IGFL2: variants seen among roughly 807,000 people sequenced by gnomAD.
IGFL2 encodes the protein insulin growth factor-like family member 2.
In IGFL2, 7 loss-of-function variants were observed where a neutral mutation model predicts 13.9. That is an observed-to-expected ratio of 0.51 (90% CI 0.29 to 0.95). The LOEUF (loss-of-function observed/expected upper bound fraction) is 0.95. Among genes scored for constraint, IGFL2 ranks in the 40% least tolerant of loss-of-function variants. The probability of loss-of-function intolerance (pLI) is 0.08; values close to 1 mark genes in which losing one functional copy is unlikely to be tolerated. For missense variants in IGFL2, 138 were observed against 147.8 expected, an observed-to-expected ratio of 0.93 and a Z score of 0.34; for synonymous variants, 55 against 55.8, an observed-to-expected ratio of 0.99 and a Z score of 0.07.
the IGFL2 span, among the ~76,000 whole-genome samples, chr19:46,108,830 T>C: frequency 6.6e-6 from 1 of 152,188 alleles, no homozygotes; most frequent in South Asian, 2.1e-4. Context: ...ATAAAACACG[T>C]CTCTTCTGTC....
the IGFL2 span, among the ~76,000 whole-genome samples, chr19:46,103,691 G>A: frequency 6.6e-6 from 1 of 152,188 alleles, no homozygotes; most frequent in South Asian, 2.1e-4. Flanking sequence ...GGGATGACAA[G>A]TTTTTGGGGT....
chr19:46,159,149 T>C (rs1032767451), intron 1 of IGFL2: 4 of 152,252 alleles, frequency 2.6e-5, no homozygotes, highest in Non-Finnish European at 4.4e-5. Flanking sequence ...TTTTGGAGTT[T>C]ATGGTGCCTG....
chr19:46,094,832 A>G, the IGFL2 span, among the ~76,000 whole-genome samples: 1 of 152,156 alleles, frequency 6.6e-6, no homozygotes, highest in South Asian at 2.1e-4. Context: ...TTCCAGCTTC[A>G]TCTATGTCCC....
chr19:46,201,695 A>G, the IGFL2 span, among the ~76,000 whole-genome samples: 1 of 152,170 alleles, frequency 6.6e-6, no homozygotes, highest in Non-Finnish European at 1.5e-5. Flanking sequence ...ATTGGTTGCC[A>G]GGGAGGGAGT....
At chr19:46,197,477 C>T in the IGFL2 span, among the ~76,000 whole-genome samples, 2 of 152,142 alleles carry the variant, frequency 1.3e-5, no homozygotes, top group Admixed American at 1.3e-4. Flanking sequence ...CTCAACATTG[C>T]TGGCCTCTCC....
intron 1 of IGFL2, among the ~76,000 whole-genome samples, chr19:46,156,444 A>C (rs983018618): frequency 2.0e-5 from 3 of 152,200 alleles, no homozygotes; most frequent in African/African-American, 7.2e-5. Context: ...TAAAGTATTG[A>C]AGTTTAACAG....
chr19:46,102,367 A>C, the IGFL2 span, among the ~76,000 whole-genome samples: 1 of 152,280 alleles, frequency 6.6e-6, no homozygotes, highest in Middle Eastern at 3.4e-3. Flanking sequence ...GTTAGGAGCA[A>C]TTTTGTTGCG....
the IGFL2 span, among the ~76,000 whole-genome samples, chr19:46,193,893 CCT>C: frequency 6.6e-6 from 1 of 152,184 alleles, no homozygotes; most frequent in African/African-American, 2.4e-5. Context: ...GTTGGCTCAG[CCT>C]CTCTGTTTCC....
upstream of IGFL2, among the ~76,000 whole-genome samples, chr19:46,144,042 C>G (rs1051731226): frequency 6.6e-6 from 1 of 152,212 alleles, no homozygotes; most frequent in Non-Finnish European, 1.5e-5. Flanking sequence ...CTTCCCTGAC[C>G]ACCTTCACTT....
At chr19:46,199,719 G>T in the IGFL2 span, among the ~76,000 whole-genome samples, 3 of 152,126 alleles carry the variant, frequency 2.0e-5, no homozygotes, top group African/African-American at 4.8e-5. Context: ...TCCCACCAGC[G>T]TCTAGGCCTC....
chr19:46,173,967 A>C, the IGFL2 span: 1 of 152,242 alleles, frequency 6.6e-6, no homozygotes, highest in African/African-American at 2.4e-5. Context: ...GTCTGGGCAA[A>C]GATGGAGCTG....
the IGFL2 span, among the ~76,000 whole-genome samples, chr19:46,194,447 A>T: frequency 6.6e-6 from 1 of 152,070 alleles, no homozygotes; most frequent in Non-Finnish European, 1.5e-5. Context: ...TTTAACTTTC[A>T]TCACTCATTG....
chr19:46,092,504 C>T, the IGFL2 span, among the ~76,000 whole-genome samples: 2 of 151,992 alleles, frequency 1.3e-5, no homozygotes, highest in South Asian at 4.2e-4. Context: ...TGGTGATGTG[C>T]GCTGGTAGTC....
the IGFL2 span, among the ~76,000 whole-genome samples, chr19:46,098,489 T>C: frequency 1.3e-5 from 2 of 150,144 alleles, no homozygotes; most frequent in Non-Finnish European, 3.0e-5. Flanking sequence ...TTTTTTTTTT[T>C]TTTTTTTTGA....
chr19:46,153,835 A>ATT (rs200732135), intron 1 of IGFL2, among the ~76,000 whole-genome samples: 59 of 144,814 alleles, frequency 4.1e-4, no homozygotes, highest in African/African-American at 1.5e-3. Flanking sequence ...ATATATATAT[A>ATT]TATATTTTTT....
the IGFL2 span, chr19:46,181,132 C>T: frequency 2.0e-5 from 3 of 152,234 alleles, no homozygotes; most frequent in South Asian, 4.1e-4. Flanking sequence ...AGAAATCAAA[C>T]ATGACTGACT....
intron 1 of IGFL2, among the ~76,000 whole-genome samples, chr19:46,149,904 A>T (rs1973381118): frequency 6.6e-6 from 1 of 152,218 alleles, no homozygotes; most frequent in African/African-American, 2.4e-5. Flanking sequence ...TAGGAGTGGA[A>T]TTGCTACGCC....
At chr19:46,140,255 A>C (rs1972801455), upstream of IGFL2, among the ~76,000 whole-genome samples, 1 of 151,710 alleles carries the variant, frequency 6.6e-6, no homozygotes, top group African/African-American at 2.4e-5. Context: ...CTATATATAT[A>C]TATATATATA....
chr19:46,137,975 T>C, the IGFL2 span, among the ~76,000 whole-genome samples: 1 of 152,244 alleles, frequency 6.6e-6, no homozygotes, highest in African/African-American at 2.4e-5. Context: ...TCTACTTAAA[T>C]CTTGACTATC....
Sources: allele counts gnomAD v4.1 joint callset (sites outside exome capture counted in the v4.1 genomes callset), GRCh38; gene constraint gnomAD v4.1.1; transcripts MANE v1.5; gene names NCBI Gene and HGNC (gene_info 2026-07-23, HGNC 2026-07-21).